Variants in BAHCC1 observed in about 807,000 individuals in gnomAD.
The protein encoded by BAHCC1 is BAH domain and coiled-coil containing 1, also known as BAH and coiled-coil domain-containing protein 1.
BAHCC1 carries 43 observed loss-of-function variants against 88.2 expected under a neutral mutation model. That is an observed-to-expected ratio of 0.49 (90% CI 0.38 to 0.63). BAHCC1 has a LOEUF of 0.63. Among genes scored for constraint, BAHCC1 ranks in the 20% least tolerant of loss-of-function variants. The pLI, the probability that BAHCC1 is intolerant of heterozygous loss-of-function variation, is 0.00. For synonymous variants in BAHCC1, 1,510 were observed against 745.5 expected (o/e 2.03, Z -16.71); for missense variants, 3,023 against 1,654.8 (o/e 1.83, Z -14.34).
At chr17:81,426,358 TG>T (rs1170565785) in intron 2 of BAHCC1, among the ~76,000 whole-genome samples, 16 of 35,040 alleles carry the variant, frequency 4.6e-4, no homozygotes, top group African/African-American at 1.2e-3. Flanking sequence ...GTGATGTGGT[TG>T]GGGGTGATAG....
chr17:81,418,101 C>T (rs1471803001), intron 2 of BAHCC1, among the ~76,000 whole-genome samples: 1 of 152,192 alleles, frequency 6.6e-6, no homozygotes, highest in African/African-American at 2.4e-5. Flanking sequence ...GCTGTGGGGG[C>T]AGAAGAGGCA....
At chr17:81,425,152 ATGGTGGGTGTTGTGGTTGGTGG>A (rs2064164767) in intron 2 of BAHCC1, among the ~76,000 whole-genome samples, 2 of 32,026 alleles carry the variant, frequency 6.2e-5, no homozygotes, top group Admixed American at 4.2e-4. Context: ...GTTGGGGGTG[ATGGTGGGTGTTGTGGTTGGTGG>A]TGATAGTGGT....
chr17:81,417,552 G>GCCCCC (rs782162192), intron 2 of BAHCC1, among the ~76,000 whole-genome samples: 3 of 26,650 alleles, frequency 1.1e-4, no homozygotes, highest in African/African-American at 3.0e-4. Flanking sequence ...GGGAGCGTCG[G>GCCCCC]CCACCCCCCC....
At chr17:81,431,855 C>T (rs2064264592) in intron 3 of BAHCC1, among the ~76,000 whole-genome samples, 1 of 152,196 alleles carries the variant, frequency 6.6e-6, no homozygotes, top group South Asian at 2.1e-4. Flanking sequence ...TCCTGCTCTC[C>T]AGGAGCCAGG....
In BAHCC1 at chr17:81,463,856, C is replaced by T. The variant is rs782424480; in HGVS notation, c.*39C>T. 5 of 699,528 alleles carry T rather than the reference C, an allele frequency of 7.1e-6. No individual in the cohort carries two copies. The highest frequency in any genetic ancestry group is 3.5e-5 in the African/African-American group (2 of 57,116). 43.3% of individuals were successfully genotyped at this position (699,528 alleles called of 1,614,324 possible). ...GATGCCTCCCACGTGCGCCAGGGACCCTGTGTGCGGAGCCTGGCGTCGGCC... is the reference window on the plus strand; with the variant it reads ...GATGCCTCCCACGTGCGCCAGGGACTCTGTGTGCGGAGCCTGGCGTCGGCC... On this transcript the variant is annotated 3_prime_UTR_variant, in exon 28 of 28. Transcript: ENST00000675386.
rs1555658467 is a variant in BAHCC1 at position 81,459,278 on chromosome 17, A to C, written c.5746A>C (p.Arg1916=). The change falls in exon 22 of 28, where the codon AGG becomes CGG. Residue 1916 remains arginine (R), a synonymous_variant. Coordinates refer to ENST00000675386, the MANE Select transcript of BAHCC1 (RefSeq NM_001377448.1). ...DIYSIVIEGE[R]GNRQRIYSLE... Reference sequence around the variant, plus strand: ...CTATAGCATCGTCATCGAGGGCGAGAGGGGCAACCGGCAGAGGATCTACTC... The same window carrying C: ...CTATAGCATCGTCATCGAGGGCGAGCGGGGCAACCGGCAGAGGATCTACTC... 1 of 779,392 alleles carries C rather than the reference A, an allele frequency of 1.3e-6. No individual in the cohort carries two copies. The allele number at this position is 779,392 out of a possible 1,614,324, so 48.3% of individuals were successfully genotyped here.
chr17:81,421,966 G>A (rs1333697916), intron 2 of BAHCC1: 5 of 422,430 alleles, frequency 1.2e-5, no homozygotes, highest in Non-Finnish European at 1.9e-5. Flanking sequence ...GAACGCTCAT[G>A]CGAGGGCCTC....
At position 81,458,178 on chromosome 17, in the gene BAHCC1, G is replaced by C. The variant is rs1555657878; in HGVS notation, c.5055G>C (p.Leu1685=). ...TCCTTCCCACAGGGGCCTGCCGCCT[G>C]TCCAGCCCTGAGAGTGAGGTCAAGA... ...ERQGLLGACR[L]SSPESEVKIK... The change falls in exon 18 of 28, where the codon CTG becomes CTC. Residue 1685 remains leucine (L), a synonymous_variant. Transcript: ENST00000675386. 1.4e-6 allele frequency: 1 copy of C among 720,656 alleles called. No homozygotes were observed. The highest frequency in any genetic ancestry group is 2.7e-5 in the East Asian group (1 of 37,648). The allele number at this position is 720,656 out of a possible 1,614,324, so 44.6% of individuals were successfully genotyped here.
chr17:81,411,474 C>CCCTG lies in BAHCC1; in HGVS notation c.178+11597_178+11600dup, dbSNP rs869057944. The CCCTG allele has an allele frequency of 0.017, 4,265 of 250,764 alleles. 164 individuals carry two copies. Among genetic ancestry groups the CCCTG allele is most frequent in the South Asian group, 0.02 (738 of 37,246 alleles). The allele number at this position is 250,764 out of a possible 1,614,324, so 15.5% of individuals were successfully genotyped here. ...CCTTGAGGTCGTCAGCCAGCCCCAC[C>CCCTG]CCTGCCTGCCTGCCTGCCTGCCTGC... is the stretch of plus-strand genomic sequence containing the variant. On this transcript the variant is annotated intron_variant, in intron 2 of 27. Transcript: ENST00000675386. This position sits in a 1 kb window ranked among gnomAD's most constrained non-coding sequence, Gnocchi z 6.2.
chr17:81,444,950 G>A (rs1386171850), intron 8 of BAHCC1, 65 bp from the exon 9 acceptor site: 15 of 684,138 alleles, frequency 2.2e-5, no homozygotes, highest in South Asian at 7.8e-5. Flanking sequence ...AAAGGGTGGC[G>A]GGGAAGCAGC....
chr17:81,419,891 G>A (rs1426865839), intron 2 of BAHCC1, among the ~76,000 whole-genome samples: 2 of 151,080 alleles, frequency 1.3e-5, no homozygotes, highest in Non-Finnish European at 2.9e-5. Context: ...TCGCTCTGCC[G>A]GCTCCGCGCC....
At chr17:81,431,589 T>C (rs2064261875) in intron 3 of BAHCC1, among the ~76,000 whole-genome samples, 2 of 152,196 alleles carry the variant, frequency 1.3e-5, no homozygotes, top group Non-Finnish European at 2.9e-5. Context: ...GCCTGGTCCC[T>C]GCAGCTTCAG....
At chr17:81,400,807 C>G (rs2143172467) in intron 2 of BAHCC1, 1 of 154,634 alleles carries the variant, frequency 6.5e-6, no homozygotes, top group East Asian at 1.9e-4. Context: ...CAGGGCAGCC[C>G]TCTTCCCGGT....
In BAHCC1 at chr17:81,399,144, T is replaced by C; in HGVS notation, c.-206-390T>C. 1 of 376,222 alleles carries C rather than the reference T, an allele frequency of 2.7e-6. No homozygotes were observed. The highest frequency in any genetic ancestry group is 5.4e-6 in the Non-Finnish European group (1 of 185,396). 23.3% of individuals were successfully genotyped at this position (376,222 alleles called of 1,614,324 possible). A position where few individuals can be genotyped will look rare whatever the true frequency, so the allele number is the denominator to read the frequency against. On this transcript the variant is annotated intron_variant, in intron 1 of 27. Transcript: ENST00000675386. This position sits in a 1 kb window ranked among gnomAD's most constrained non-coding sequence, Gnocchi z 4.5. The stretch of plus-strand genomic sequence containing the variant: ...GTGCGTGTGAGTGTGTGTGTGTGTG[T>C]GTGTGTGTGCGAGTGTGCGTGATGG...
intron 15 of BAHCC1, 26 bp from the exon 16 acceptor site, chr17:81,456,271 G>A: frequency 2.9e-6 from 2 of 699,720 alleles, no homozygotes; most frequent in Admixed American, 2.3e-5. Flanking sequence ...CGCCCTGAGA[G>A]TGCAGCTGCC....
chr17:81,418,786 TAC>T (rs71938488), intron 2 of BAHCC1, among the ~76,000 whole-genome samples: 28,757 of 93,264 alleles, frequency 0.31, 2,934 homozygotes, highest in African/African-American at 0.34. Flanking sequence ...CGTGTGTGTG[TAC>T]GTGTGTGCGT....
chr17:81,418,928 C>T (rs1165259570), intron 2 of BAHCC1, among the ~76,000 whole-genome samples: 9 of 151,944 alleles, frequency 5.9e-5, no homozygotes, highest in South Asian at 2.1e-4. Flanking sequence ...AGACACACCC[C>T]GTGAGTCACA....
At chr17:81,460,152 T>C (rs2030119167) in intron 23 of BAHCC1, 125 bp from the exon 24 acceptor site, 2 of 637,450 alleles carry the variant, frequency 3.1e-6, no homozygotes. Context: ...CCACTGTCTG[T>C]GTGGTCAGGG....
intron 2 of BAHCC1, among the ~76,000 whole-genome samples, chr17:81,425,807 C>T (rs1381310992): frequency 3.2e-5 from 2 of 62,702 alleles, no homozygotes; most frequent in South Asian, 5.9e-4. Flanking sequence ...GATGGTGGGT[C>T]GTGGTGGTGG....
Sources: allele counts gnomAD v4.1 joint callset (sites outside exome capture counted in the v4.1 genomes callset), GRCh38; gene constraint gnomAD v4.1.1; non-coding constraint Gnocchi (gnomAD v3.1); transcripts MANE v1.5; gene names NCBI Gene and HGNC (gene_info 2026-07-23, HGNC 2026-07-21).